MFHAS1: variants seen among roughly 807,000 people sequenced by gnomAD.
MFHAS1 encodes the protein malignant fibrous histiocytoma-amplified sequence 1.
Under a neutral mutation model 70.4 loss-of-function variants are expected in MFHAS1, and 50 were observed. That is an observed-to-expected ratio of 0.71 (90% CI 0.57 to 0.90). The LOEUF (loss-of-function observed/expected upper bound fraction) is 0.90. MFHAS1 is among the 40% of genes least tolerant of loss of function. The pLI is 0.00. For synonymous variants in MFHAS1, 952 were observed against 620.0 expected, an observed-to-expected ratio of 1.54 and a Z score of -7.96; for missense variants, 1,795 against 1,347.6, an observed-to-expected ratio of 1.33 and a Z score of -5.20.
chr8:8,876,895 C>G (rs976286675), intron 1 of MFHAS1, among the ~76,000 whole-genome samples: 3 of 151,736 alleles, frequency 2.0e-5, no homozygotes, highest in African/African-American at 7.3e-5. Context: ...GATCATGCCA[C>G]TGCACTCCAG....
intron 2 of MFHAS1, among the ~76,000 whole-genome samples, chr8:8,794,052 T>G (rs1304978361): frequency 6.6e-6 from 1 of 151,884 alleles, no homozygotes; most frequent in Non-Finnish European, 1.5e-5. Context: ...TAGCTAGGTG[T>G]GGTTGTGTGC....
chr8:8,787,831 C>T (rs142414109), intron 2 of MFHAS1, among the ~76,000 whole-genome samples: 1 of 152,234 alleles, frequency 6.6e-6, no homozygotes, highest in African/African-American at 2.4e-5. Context: ...CTGAGAAACA[C>T]AAGAATACCT....
At chr8:8,869,042 T>C (rs1312842999) in intron 1 of MFHAS1, among the ~76,000 whole-genome samples, 1 of 152,154 alleles carries the variant, frequency 6.6e-6, no homozygotes, top group Non-Finnish European at 1.5e-5. Flanking sequence ...TTAACAGCTA[T>C]GCAAAGCAGG....
chr8:8,863,652 C>T (rs1325152421), intron 1 of MFHAS1, among the ~76,000 whole-genome samples: 2 of 152,170 alleles, frequency 1.3e-5, no homozygotes, highest in Admixed American at 6.5e-5. Context: ...ATTTGGACTT[C>T]CTCAGAGAAT....
At chr8:8,852,067 G>C (rs1407576074) in intron 1 of MFHAS1, among the ~76,000 whole-genome samples, 1 of 152,136 alleles carries the variant, frequency 6.6e-6, no homozygotes, top group Admixed American at 6.6e-5. Flanking sequence ...CCATTCGAAG[G>C]AGACCCCTCT....
intron 2 of MFHAS1, among the ~76,000 whole-genome samples, chr8:8,794,220 G>A (rs193245309): frequency 1.1e-4 from 17 of 152,146 alleles, no homozygotes; most frequent in Non-Finnish European, 2.4e-4. Context: ...TGACCTCTAT[G>A]GTGACCTGCT....
At chr8:8,819,925 T>G (rs926135965) in intron 1 of MFHAS1, among the ~76,000 whole-genome samples, 9 of 152,146 alleles carry the variant, frequency 5.9e-5, no homozygotes, top group African/African-American at 2.2e-4. Flanking sequence ...CTCAAACTCC[T>G]GAGTTCAAAC....
intron 1 of MFHAS1, among the ~76,000 whole-genome samples, chr8:8,868,193 C>T (rs904500452): frequency 3.9e-5 from 6 of 152,094 alleles, no homozygotes; most frequent in Admixed American, 3.9e-4. Flanking sequence ...CCTCTGGAAA[C>T]TCCTGCTTTA....
intron 1 of MFHAS1, among the ~76,000 whole-genome samples, chr8:8,853,751 A>G (rs1808330362): frequency 6.6e-6 from 1 of 152,152 alleles, no homozygotes; most frequent in Non-Finnish European, 1.5e-5. Flanking sequence ...TTTTTAGTAG[A>G]GACAGGGTTT....
At chr8:8,837,308 G>C (rs181398965) in intron 1 of MFHAS1, among the ~76,000 whole-genome samples, 14 of 152,150 alleles carry the variant, frequency 9.2e-5, no homozygotes, top group Non-Finnish European at 1.8e-4. Context: ...CAAAGGAGTT[G>C]AATAGACATT....
intron 1 of MFHAS1, among the ~76,000 whole-genome samples, chr8:8,880,103 C>T (rs572019304): frequency 1.1e-4 from 17 of 152,310 alleles, no homozygotes; most frequent in Non-Finnish European, 2.2e-4. Context: ...CTTGGATGCC[C>T]TCCTTTCTGT....
intron 1 of MFHAS1, among the ~76,000 whole-genome samples, chr8:8,850,172 A>G (rs1473072531): frequency 1.3e-5 from 2 of 152,226 alleles, no homozygotes; most frequent in Non-Finnish European, 2.9e-5. Context: ...ACTAGTTAAC[A>G]TTTATAAACC....
At chr8:8,814,786 A>T (rs1806675155) in intron 1 of MFHAS1, among the ~76,000 whole-genome samples, 1 of 151,974 alleles carries the variant, frequency 6.6e-6, no homozygotes, top group African/African-American at 2.4e-5. Flanking sequence ...ACTCAACGTG[A>T]TGCATATTGG....
Position 8,890,628 on chromosome 8 carries a change from C to T in MFHAS1, c.2431G>A (p.Val811Ile), listed in dbSNP as rs780478059. 6.2e-6 allele frequency: 10 copies of T among 1,613,784 alleles called. No homozygotes were observed. In the South Asian group the frequency reaches 1.1e-4, roughly 18 times the overall value. Residue 811 changes from valine (V) to isoleucine (I), a missense_variant, in exon 1 of 3, where the codon GTC (valine) becomes ATC (isoleucine). By Grantham distance (29) the Val-to-Ile change is conservative. Coordinates refer to ENST00000276282, the MANE Select transcript of MFHAS1 (RefSeq NM_004225.3). ...HVIRLLLKPH[V>I]QAQQDLQLLL... ...AGCTGCAAGTCCTGCTGGGCCTGGA[C>T]ATGAGGCTTAAGCAGCAACCGAATG... is the stretch of plus-strand genomic sequence containing the variant.
Position 8,891,292 on chromosome 8 carries a change from G to T in MFHAS1, c.1767C>A (p.Ala589=), listed in dbSNP as rs770574910. ...ALARDFELRS[A]SPHAAYYGVS... Reference sequence around the variant, plus strand: ...CGCCATAGTAGGCTGCGTGGGGGCTGGCAGAGCGCAGCTCGAAGTCCCGGG... The same window carrying T: ...CGCCATAGTAGGCTGCGTGGGGGCTTGCAGAGCGCAGCTCGAAGTCCCGGG... The change falls in exon 1 of 3, where the codon GCC becomes GCA. Residue 589 remains alanine, a synonymous_variant. Coordinates refer to ENST00000276282, the MANE Select transcript of MFHAS1 (RefSeq NM_004225.3). The surrounding 1 kb of genome is among the most constrained non-coding windows in gnomAD (Gnocchi z 5.4). 1 of 1,611,644 alleles carries T rather than the reference G, an allele frequency of 6.2e-7. No individual in the cohort carries two copies.
intron 1 of MFHAS1, among the ~76,000 whole-genome samples, chr8:8,855,019 C>T (rs1408337934): frequency 6.6e-6 from 1 of 152,160 alleles, no homozygotes; most frequent in African/African-American, 2.4e-5. Context: ...AAGTGATTCT[C>T]CCATCTCAGC....
At chr8:8,867,013 AAAAG>A (rs900131330) in intron 1 of MFHAS1, among the ~76,000 whole-genome samples, 21 of 152,342 alleles carry the variant, frequency 1.4e-4, no homozygotes, top group Admixed American at 3.9e-4. Context: ...AGTGGGAAAA[AAAAG>A]AAAGAGAAAG....
chr8:8,838,878 C>A (rs1158000376), intron 1 of MFHAS1, among the ~76,000 whole-genome samples: 3 of 151,604 alleles, frequency 2.0e-5, no homozygotes, highest in African/African-American at 7.3e-5. Flanking sequence ...CAGTTATTTT[C>A]ATATTTTAAA....
At chr8:8,809,722 G>A (rs542841784) in intron 1 of MFHAS1, among the ~76,000 whole-genome samples, 3 of 152,328 alleles carry the variant, frequency 2.0e-5, no homozygotes, top group Admixed American at 6.5e-5. Flanking sequence ...GAGAGGGGGA[G>A]GGGGAGGAGC....
Sources: gnomAD v4.1 joint callset for allele counts (sites outside exome capture counted in the v4.1 genomes callset) on GRCh38, gnomAD v4.1.1 for gene constraint, Gnocchi (gnomAD v3.1) non-coding constraint, MANE v1.5 for transcripts, NCBI Gene and HGNC (gene_info 2026-07-23, HGNC 2026-07-21) for gene names.